Variants in ZW10 observed in about 807,000 individuals in gnomAD.
ZW10 encodes the protein centromere/kinetochore protein zw10 homolog.
In ZW10, 53 loss-of-function variants were observed where a neutral mutation model predicts 87.8. That is an observed-to-expected ratio of 0.60 (90% CI 0.48 to 0.76). ZW10 has a LOEUF of 0.76. ZW10 is among the 30% of genes least tolerant of loss of function. The probability of loss-of-function intolerance (pLI) is 0.00; values close to 1 mark genes in which losing one functional copy is unlikely to be tolerated. For synonymous variants in ZW10, 312 were observed against 329.2 expected (o/e 0.95, Z 0.57); for missense variants, 837 against 923.0 (o/e 0.91, Z 1.21).
chr11:113,742,438 A>G (rs1428061796), intron 10 of ZW10, among the ~76,000 whole-genome samples: 1 of 152,196 alleles, frequency 6.6e-6, no homozygotes, highest in Non-Finnish European at 1.5e-5. Context: ...GTCATACCCA[A>G]AAACCCTGTT....
rs1953842752 is a variant in ZW10 at position 113,760,257 on chromosome 11, C to T, written c.532G>A (p.Gly178Arg). 1.2e-6 allele frequency: 2 copies of T among 1,613,966 alleles called. No individual in the cohort carries two copies. The highest frequency in any genetic ancestry group is 1.3e-5 in the African/African-American group (1 of 74,904). Residue 178 changes from glycine to arginine, a missense_variant, in exon 5 of 16, where the codon GGA (glycine) becomes AGA (arginine). By Grantham distance (125) the Gly-to-Arg change is moderately radical. Coordinates refer to ENST00000200135, the MANE Select transcript of ZW10 (RefSeq NM_004724.4). ...IQKQNILYHL[G>R]EEWQKLIVWK... ...ACAATCAGCTTCTGCCACTCTTCTC[C>T]AAGGTGATAAAGTATGTTCTGTTTC...
chr11:113,756,682 T>C (rs1401857114), intron 7 of ZW10, among the ~76,000 whole-genome samples: 1 of 152,198 alleles, frequency 6.6e-6, no homozygotes, highest in African/African-American at 2.4e-5. Context: ...AGCATTCAGA[T>C]TGGCTATCTG....
At chr11:113,761,519 G>A (rs1012488396) in intron 2 of ZW10, among the ~76,000 whole-genome samples, 6 of 152,088 alleles carry the variant, frequency 3.9e-5, no homozygotes, top group African/African-American at 9.7e-5. Context: ...GGACTCAAGC[G>A]ATCTGCCCAC....
chr11:113,748,127 TG>T (rs770294368), intron 8 of ZW10, 129 bp downstream of exon 8: 60 of 776,132 alleles, frequency 7.7e-5, no homozygotes, highest in Non-Finnish European at 9.9e-5. Flanking sequence ...ATATGGAATT[TG>T]TCTCTATTCC....
intron 2 of ZW10, among the ~76,000 whole-genome samples, chr11:113,768,327 C>T (rs567109979): frequency 5.9e-5 from 9 of 152,282 alleles, no homozygotes; most frequent in African/African-American, 1.7e-4. Context: ...TCATCCAGAC[C>T]AGCCATCTTT....
In ZW10 at chr11:113,751,794, CAGGA is replaced by C. The variant is rs568033568; in HGVS notation, c.926-3378_926-3375del. Among the ~76,000 whole-genome samples the C allele has an allele frequency of 1.6e-3, 247 of 151,976 alleles. 2 individuals carry two copies. The highest frequency in any genetic ancestry group is 2.8e-3 in the Admixed American group (42 of 15,272). On this transcript the variant is annotated intron_variant, in intron 7 of 15. Transcript: ENST00000200135. ...AGGCTGAGGCAGAATTGCTTGAACC[CAGGA>C]AGTGGAGGTTGCAGTGAGCTGAGAT...
intron 6 of ZW10, 42 bp from the exon 7 acceptor site, chr11:113,757,895 A>G (rs766169060): frequency 3.7e-5 from 57 of 1,520,522 alleles, no homozygotes; most frequent in Non-Finnish European, 4.1e-5. Flanking sequence ...TCACCATAAG[A>G]CACTTCTAGG....
intron 2 of ZW10, among the ~76,000 whole-genome samples, chr11:113,767,758 T>A (rs542002897): frequency 2.6e-5 from 4 of 152,210 alleles, no homozygotes; most frequent in African/African-American, 9.6e-5. Context: ...TAACCTGATA[T>A]GCAAGGCCCT....
chr11:113,749,253 CACA>C (rs1367515330), intron 7 of ZW10, among the ~76,000 whole-genome samples: 1 of 152,164 alleles, frequency 6.6e-6, no homozygotes, highest in African/African-American at 2.4e-5. Context: ...TAAGATACCT[CACA>C]ACATCTAAAG....
intron 10 of ZW10, among the ~76,000 whole-genome samples, chr11:113,743,152 TG>T (rs1247922620): frequency 6.6e-6 from 1 of 152,242 alleles, no homozygotes; most frequent in Non-Finnish European, 1.5e-5. Flanking sequence ...GTAACGTGAA[TG>T]CAATATAGAT....
chr11:113,754,777 G>GAGGCCAGGTATCGCTATGTTACCC (rs1352795892), intron 7 of ZW10, among the ~76,000 whole-genome samples: 1 of 151,850 alleles, frequency 6.6e-6, no homozygotes, highest in Non-Finnish European at 1.5e-5. Flanking sequence ...TTTTTTAGTA[G>GAGGCCAGGTATCGCTATGTTACCC]AGGCCAGGTA....
chr11:113,740,518 A>C (rs1390565480), intron 11 of ZW10, among the ~76,000 whole-genome samples: 2 of 152,210 alleles, frequency 1.3e-5, no homozygotes, highest in African/African-American at 4.8e-5. Context: ...CAGTAGGTCG[A>C]GGCTGCAATG....
rs778953412 is a variant in ZW10, at chr11:113,743,886, G to A, written c.1427C>T (p.Thr476Ile). Residue 476 changes from threonine to isoleucine, a missense_variant, in exon 10 of 16, where the codon ACA becomes ATA. Transcript: ENST00000200135. ...TLDQHSFSLP[T>I]CRISESVKKL... ...CTTCACAGACTCACTGATACGGCAT[G>A]TGGGCAAGGAAAAGGAATGTTGGTC... is the stretch of plus-strand genomic sequence containing the variant. The A allele has an allele frequency of 1.2e-6, 2 of 1,614,172 alleles. No individual in the cohort carries two copies. Among genetic ancestry groups the A allele is most frequent in the Non-Finnish European group, 1.7e-6 (2 of 1,180,032 alleles).
In ZW10 at chr11:113,740,511, T is replaced by C. The variant is rs568313293; in HGVS notation, c.1584-1129A>G. 4.6e-5 allele frequency among the ~76,000 whole-genome samples: 7 copies of C among 152,144 alleles called. No individual in the cohort carries two copies. In the East Asian group the frequency reaches 1.2e-3, roughly 25 times the overall value. On this transcript the variant is annotated intron_variant, in intron 11 of 15. Coordinates refer to ENST00000200135, the MANE Select transcript of ZW10 (RefSeq NM_004724.4). ...AGATGGGAAGATCACCTGAGCCCAG[T>C]AGGTCGAGGCTGCAATGAGCCATGA...
rs185785499 is a variant in ZW10 at position 113,755,227 on chromosome 11, C to G, written c.925+2435G>C. 2.0e-3 allele frequency among the ~76,000 whole-genome samples: 301 copies of G among 152,264 alleles called. 1 individual carries two copies. Among genetic ancestry groups the G allele is most frequent in the Admixed American group, 7.0e-3 (107 of 15,294 alleles). ...CTGAGCAAAATAAAATGAAAATCTT[C>G]TAGAAAGGATTCACCATTCTACATG... On this transcript the variant is annotated intron_variant, in intron 7 of 15. Transcript: ENST00000200135.
At chr11:113,735,439 G>T (rs912574035) in intron 15 of ZW10, among the ~76,000 whole-genome samples, 5 of 151,730 alleles carry the variant, frequency 3.3e-5, no homozygotes, top group African/African-American at 9.7e-5. Flanking sequence ...ATTCTGATGT[G>T]ATTTTTTTTC....
At chr11:113,736,501 A>C (rs1284605542) in intron 15 of ZW10, 119 bp downstream of exon 15, 1 of 971,706 alleles carries the variant, frequency 1.0e-6, no homozygotes, top group African/African-American at 1.6e-5. Flanking sequence ...ACTGCTACTC[A>C]ATATGAAAGT....
intron 5 of ZW10, among the ~76,000 whole-genome samples, chr11:113,759,874 C>T (rs757948494): frequency 6.6e-6 from 1 of 152,188 alleles, no homozygotes; most frequent in African/African-American, 2.4e-5. Flanking sequence ...GGAACGGGCA[C>T]GTCCTACAAG....
chr11:113,735,909 G>A (rs570983989), intron 15 of ZW10, among the ~76,000 whole-genome samples: 38 of 152,202 alleles, frequency 2.5e-4, no homozygotes, highest in African/African-American at 8.2e-4. Flanking sequence ...ACAGTAGTCT[G>A]ATGCTCAATA....
Sources: allele counts gnomAD v4.1 joint callset (sites outside exome capture counted in the v4.1 genomes callset), GRCh38; gene constraint gnomAD v4.1.1; transcripts MANE v1.5; gene names NCBI Gene and HGNC (gene_info 2026-07-23, HGNC 2026-07-21).